SUCLG2: variants seen among roughly 807,000 people sequenced by gnomAD.
SUCLG2 encodes the protein succinate-CoA ligase GDP-forming subunit beta.
A neutral mutation model predicts 47.9 loss-of-function variants in SUCLG2; 42 were observed. The ratio of observed to expected loss-of-function variants is 0.88; its 90% CI spans 0.69 to 1.14. The LOEUF (loss-of-function observed/expected upper bound fraction) is 1.14, where lower values mean the gene tolerates loss of function less well. Ranked by LOEUF, SUCLG2 falls within the 50% of genes most tolerant of loss-of-function variation. The pLI is 0.00. For synonymous variants in SUCLG2, 195 were observed against 197.3 expected, an observed-to-expected ratio of 0.99 and a Z score of 0.10; for missense variants, 571 against 525.9, an observed-to-expected ratio of 1.09 and a Z score of -0.84.
intron 9 of SUCLG2, among the ~76,000 whole-genome samples, chr3:67,448,359 T>A (rs1236684182): frequency 6.6e-6 from 1 of 152,130 alleles, no homozygotes; most frequent in Non-Finnish European, 1.5e-5. Flanking sequence ...AAAGAACAAA[T>A]TAGGAGACAT....
chr3:67,419,015 G>A (rs189857366), intron 9 of SUCLG2, among the ~76,000 whole-genome samples: 5 of 152,184 alleles, frequency 3.3e-5, no homozygotes, highest in Non-Finnish European at 7.4e-5. Flanking sequence ...CACAATGTTA[G>A]GATCAGAATA....
At chr3:67,419,031 G>C (rs1037959798) in intron 9 of SUCLG2, among the ~76,000 whole-genome samples, 2 of 151,956 alleles carry the variant, frequency 1.3e-5, no homozygotes, top group Non-Finnish European at 2.9e-5. Flanking sequence ...GAATACAATG[G>C]TATGACACTT....
chr3:67,449,985 A>G (rs1704017599), intron 9 of SUCLG2, among the ~76,000 whole-genome samples: 1 of 152,126 alleles, frequency 6.6e-6, no homozygotes. Context: ...GAAAAATAAC[A>G]TATTAATTCC....
At chr3:67,431,695 A>C (rs1244511632) in intron 9 of SUCLG2, among the ~76,000 whole-genome samples, 2 of 145,952 alleles carry the variant, frequency 1.4e-5, no homozygotes, top group African/African-American at 5.0e-5. Flanking sequence ...CAATCAGAAC[A>C]CTTGGACACA....
intron 2 of SUCLG2, among the ~76,000 whole-genome samples, chr3:67,589,669 G>C (rs1339815898): frequency 1.3e-5 from 2 of 152,204 alleles, no homozygotes; most frequent in Non-Finnish European, 2.9e-5. Flanking sequence ...CCTTCCAAGG[G>C]AAGCATCTGC....
At chr3:67,380,818 A>G (rs1264745633) in intron 10 of SUCLG2, among the ~76,000 whole-genome samples, 1 of 152,104 alleles carries the variant, frequency 6.6e-6, no homozygotes, top group Non-Finnish European at 1.5e-5. Flanking sequence ...AAGTAAAGGA[A>G]AAAAATGAGT....
chr3:67,646,549 C>G (rs1007308199), intron 1 of SUCLG2, among the ~76,000 whole-genome samples: 4 of 151,868 alleles, frequency 2.6e-5, no homozygotes, highest in Non-Finnish European at 5.9e-5. Flanking sequence ...GAGCCAAGAT[C>G]TCACCACTGC....
intron 10 of SUCLG2, among the ~76,000 whole-genome samples, chr3:67,387,468 G>T (rs1342700236): frequency 6.6e-6 from 1 of 152,138 alleles, no homozygotes; most frequent in Non-Finnish European, 1.5e-5. Context: ...CACTACGATT[G>T]ACCCATTCTT....
intron 2 of SUCLG2, among the ~76,000 whole-genome samples, chr3:67,606,600 T>A (rs1024941089): frequency 6.6e-6 from 1 of 152,214 alleles, no homozygotes; most frequent in African/African-American, 2.4e-5. Flanking sequence ...TAACCTTTAC[T>A]GAGTCTATTA....
chr3:67,616,497 G>A (rs943798077), intron 1 of SUCLG2, among the ~76,000 whole-genome samples: 1 of 152,278 alleles, frequency 6.6e-6, no homozygotes, highest in Admixed American at 6.5e-5. Context: ...GCTATTGCCA[G>A]TAAACTTGGG....
chr3:67,371,447 C>T (rs1051950948), downstream of SUCLG2, among the ~76,000 whole-genome samples: 10 of 152,164 alleles, frequency 6.6e-5, no homozygotes, highest in African/African-American at 2.2e-4. Flanking sequence ...ATCTCTTCTG[C>T]CCCTCTGCCT....
chr3:67,488,116 TATATA>T (rs1559544453), intron 9 of SUCLG2, among the ~76,000 whole-genome samples: 1 of 151,788 alleles, frequency 6.6e-6, no homozygotes, highest in Non-Finnish European at 1.5e-5. Flanking sequence ...TGTGTATATA[TATATA>T]TTTTTTAAAA....
At chr3:67,461,415 A>G (rs769404787) in intron 9 of SUCLG2, among the ~76,000 whole-genome samples, 6 of 152,120 alleles carry the variant, frequency 3.9e-5, no homozygotes, top group Non-Finnish European at 8.8e-5. Context: ...CGAATTCCAT[A>G]TAACGGTATT....
At chr3:67,414,598 T>G (rs1237891145) in intron 9 of SUCLG2, among the ~76,000 whole-genome samples, 1 of 152,232 alleles carries the variant, frequency 6.6e-6, no homozygotes, top group Non-Finnish European at 1.5e-5. Context: ...GCCATGCGAA[T>G]GTAGGCCTTT....
chr3:67,416,654 T>C (rs1193409242), intron 9 of SUCLG2, among the ~76,000 whole-genome samples: 2 of 152,240 alleles, frequency 1.3e-5, no homozygotes, highest in East Asian at 3.8e-4. Context: ...TGAAAAGTAC[T>C]GTGGAGTTAA....
chr3:67,562,037 C>T lies in SUCLG2; in HGVS notation c.227-32851G>A, dbSNP rs368324830. On this transcript the variant is annotated intron_variant, in intron 2 of 10. Coordinates refer to ENST00000307227, the MANE Select transcript of SUCLG2 (RefSeq NM_003848.4). ...CCCTCTTCCTACACCCCTGCCCCTA[C>T]TCCCTTCTGCATTTTTGATGGGGGA... is the stretch of plus-strand genomic sequence containing the variant. Among the ~76,000 whole-genome samples, 48 of 152,308 alleles carry T rather than the reference C, an allele frequency of 3.2e-4. No individual in the cohort carries two copies. In the East Asian group the frequency reaches 7.1e-3, roughly 23 times the overall value.
At chr3:67,614,052 T>G (rs1700580819) in intron 1 of SUCLG2, among the ~76,000 whole-genome samples, 2 of 152,164 alleles carry the variant, frequency 1.3e-5, no homozygotes, top group African/African-American at 4.8e-5. Flanking sequence ...GAAGTTTATT[T>G]CAACTCCTAG....
intron 10 of SUCLG2, among the ~76,000 whole-genome samples, chr3:67,392,676 T>C (rs530485809): frequency 2.0e-5 from 3 of 152,288 alleles, no homozygotes; most frequent in East Asian, 1.9e-4. Context: ...ACCACTTTCA[T>C]AGTTAATAGT....
intron 9 of SUCLG2, among the ~76,000 whole-genome samples, chr3:67,439,578 T>C (rs1487760941): frequency 6.6e-6 from 1 of 152,124 alleles, no homozygotes; most frequent in Non-Finnish European, 1.5e-5. Flanking sequence ...TAAGCATTCC[T>C]ATACACCAAT....
Sources: gnomAD v4.1 joint callset for allele counts (sites outside exome capture counted in the v4.1 genomes callset) on GRCh38, gnomAD v4.1.1 for gene constraint, MANE v1.5 for transcripts, NCBI Gene and HGNC (gene_info 2026-07-23, HGNC 2026-07-21) for gene names.